Variants in MAGI3 observed in about 807,000 individuals in gnomAD.
The protein encoded by MAGI3 is membrane associated guanylate kinase, WW and PDZ domain containing 3, also known as membrane-associated guanylate kinase, WW and PDZ domain-containing protein 3.
Under a neutral mutation model 121.8 loss-of-function variants are expected in MAGI3, and 43 were observed. The ratio of observed to expected loss-of-function variants is 0.35; its 90% CI spans 0.28 to 0.46. The LOEUF is 0.46. Ranked by LOEUF, MAGI3 falls within the 20% of genes least tolerant of loss-of-function variation. The pLI, the probability that MAGI3 is intolerant of heterozygous loss-of-function variation, is 1.00. For missense variants in MAGI3, 1,547 were observed against 1,797.3 expected (o/e 0.86, Z 2.52); for synonymous variants, 553 against 639.3 (o/e 0.86, Z 2.04).
intron 1 of MAGI3, chr1:113,450,336 A>AG: frequency 7.0e-7 from 1 of 1,427,316 alleles, no homozygotes; most frequent in Non-Finnish European, 9.9e-7. Flanking sequence ...GTGGTGGAGG[A>AG]GCTATGGTGG....
At chr1:113,521,694 C>A (rs902107834) in intron 1 of MAGI3, among the ~76,000 whole-genome samples, 2 of 152,212 alleles carry the variant, frequency 1.3e-5, no homozygotes, top group African/African-American at 4.8e-5. Flanking sequence ...GTGTGAGCCA[C>A]TGCACCCAGC....
intron 6 of MAGI3, among the ~76,000 whole-genome samples, chr1:113,612,787 C>G (rs10489936): frequency 0.22 from 33,248 of 152,146 alleles, 4,514 homozygotes; most frequent in South Asian, 0.39. Context: ...AATGCTAAAT[C>G]AACTTTCAAG....
At chr1:113,424,469 A>G (rs1652900158) in intron 1 of MAGI3, among the ~76,000 whole-genome samples, 1 of 152,082 alleles carries the variant, frequency 6.6e-6, no homozygotes. Flanking sequence ...CAAAAACAAG[A>G]GCAGTCCAGA....
At chr1:113,637,141 T>C (rs1318966929) in intron 9 of MAGI3, among the ~76,000 whole-genome samples, 1 of 152,152 alleles carries the variant, frequency 6.6e-6, no homozygotes, top group African/African-American at 2.4e-5. Flanking sequence ...GTGAGATGGG[T>C]TTCCTGAATA....
At chr1:113,635,669 A>T (rs1228259709) in intron 9 of MAGI3, among the ~76,000 whole-genome samples, 4 of 152,008 alleles carry the variant, frequency 2.6e-5, no homozygotes, top group Non-Finnish European at 5.9e-5. Context: ...TTCATCAAGG[A>T]TATTGGTCTA....
At chr1:113,606,301 AGTT>A (rs1198976775) in intron 6 of MAGI3, among the ~76,000 whole-genome samples, 2 of 152,132 alleles carry the variant, frequency 1.3e-5, no homozygotes, top group South Asian at 2.1e-4. Context: ...TTTATACCGT[AGTT>A]GTTTATAAAG....
At chr1:113,425,470 G>A (rs1461743912) in intron 1 of MAGI3, among the ~76,000 whole-genome samples, 1 of 151,466 alleles carries the variant, frequency 6.6e-6, no homozygotes, top group Admixed American at 6.6e-5. Context: ...TTTTTCAGTA[G>A]AGACGGGATT....
At chr1:113,456,572 C>T (rs994644760) in intron 1 of MAGI3, among the ~76,000 whole-genome samples, 2 of 152,062 alleles carry the variant, frequency 1.3e-5, no homozygotes, top group African/African-American at 4.8e-5. Context: ...ATTAAAAGAA[C>T]ATTTCATAAC....
intron 3 of MAGI3, among the ~76,000 whole-genome samples, chr1:113,585,002 C>CT: frequency 8.6e-6 from 1 of 116,814 alleles, no homozygotes; most frequent in Middle Eastern, 7.9e-3. Context: ...GGCAGAGTCT[C>CT]TGTCACCCAG....
At chr1:113,465,958 ACTT>A (rs1646201090) in intron 1 of MAGI3, among the ~76,000 whole-genome samples, 1 of 152,066 alleles carries the variant, frequency 6.6e-6, no homozygotes, top group Admixed American at 6.6e-5. Flanking sequence ...GACTAATTTG[ACTT>A]CTTTTCCAAC....
intron 1 of MAGI3, among the ~76,000 whole-genome samples, chr1:113,439,892 G>T (rs1653827058): frequency 6.6e-6 from 1 of 151,836 alleles, no homozygotes; most frequent in African/African-American, 2.4e-5. Context: ...CTCGAACCAA[G>T]GCCTGTTTTG....
chr1:113,650,247 A>C (rs1653080408), intron 13 of MAGI3, among the ~76,000 whole-genome samples: 1 of 147,792 alleles, frequency 6.8e-6, no homozygotes, highest in Non-Finnish European at 1.5e-5. Context: ...ATGTAGAACA[A>C]ATACTAGATA....
At chr1:113,495,369 T>C (rs1424053453) in intron 1 of MAGI3, among the ~76,000 whole-genome samples, 1 of 151,860 alleles carries the variant, frequency 6.6e-6, no homozygotes, top group East Asian at 1.9e-4. Context: ...TTTTTTTTTT[T>C]TTTAATTTCA....
chr1:113,538,894 T>G (rs1290535073), intron 1 of MAGI3, among the ~76,000 whole-genome samples: 1 of 152,232 alleles, frequency 6.6e-6, no homozygotes, highest in Admixed American at 6.5e-5. Flanking sequence ...ACACAAATAG[T>G]CTCAGCTTTC....
intron 7 of MAGI3, among the ~76,000 whole-genome samples, chr1:113,615,663 A>G (rs1650416244): frequency 6.6e-6 from 1 of 152,148 alleles, no homozygotes; most frequent in Admixed American, 6.6e-5. Flanking sequence ...ATGACTTCTT[A>G]AAATTAAATG....
In MAGI3 at chr1:113,684,529, C is replaced by T. The variant is rs1648430301; in HGVS notation, c.*515C>T. On this transcript the variant is annotated 3_prime_UTR_variant, in exon 21 of 21. Transcript: ENST00000307546. The stretch of plus-strand genomic sequence containing the variant: ...CTGTTAACTCATCGTTAAAGATGGC[C>T]GTTGTCTCTTCTAACAGCTACTGAT... The T allele has an allele frequency of 6.6e-6, 1 of 152,216 alleles. No homozygotes were observed. The highest frequency in any genetic ancestry group is 1.5e-5 in the Non-Finnish European group (1 of 68,072). The allele number at this position is 152,216 out of a possible 1,614,324, so 9.4% of individuals were successfully genotyped here.
chr1:113,575,787 C>A (rs1303352109), intron 2 of MAGI3, among the ~76,000 whole-genome samples: 1 of 152,220 alleles, frequency 6.6e-6, no homozygotes, highest in African/African-American at 2.4e-5. Flanking sequence ...AAGCTGCACC[C>A]ACAGCTGCCC....
At chr1:113,570,043 C>T (rs993478167) in intron 2 of MAGI3, among the ~76,000 whole-genome samples, 2 of 151,952 alleles carry the variant, frequency 1.3e-5, no homozygotes, top group African/African-American at 4.8e-5. Context: ...TCACCCCTTG[C>T]CCCCCACACC....
At chr1:113,448,857 C>A (rs745326766) in intron 1 of MAGI3, among the ~76,000 whole-genome samples, 4 of 152,208 alleles carry the variant, frequency 2.6e-5, no homozygotes, top group Non-Finnish European at 4.4e-5. Context: ...CAGTGGATCA[C>A]GCCTGTAATT....
Sources: allele counts gnomAD v4.1 joint callset (sites outside exome capture counted in the v4.1 genomes callset), GRCh38; gene constraint gnomAD v4.1.1; transcripts MANE v1.5; gene names NCBI Gene and HGNC (gene_info 2026-07-23, HGNC 2026-07-21).